FRY: variants seen among roughly 807,000 people sequenced by gnomAD.
The protein encoded by FRY is FRY microtubule binding protein, also known as protein furry homolog.
In FRY, 128 loss-of-function variants were observed where a neutral mutation model predicts 348.4. The observed-to-expected ratio is 0.37, with a 90% confidence interval of 0.32 to 0.43. The LOEUF (loss-of-function observed/expected upper bound fraction) is 0.43, where lower values mean the gene tolerates loss of function less well. FRY is among the 20% of genes least tolerant of loss of function. The pLI is 1.00. For synonymous variants in FRY, 1,370 were observed against 1,374.7 expected (o/e 1.00, Z 0.08); for missense variants, 2,736 against 3,695.2 (o/e 0.74, Z 6.73).
intron 20 of FRY, among the ~76,000 whole-genome samples, chr13:32,177,313 G>T (rs1882423835): frequency 6.6e-6 from 1 of 152,164 alleles, no homozygotes; most frequent in Non-Finnish European, 1.5e-5. Flanking sequence ...TCTTGGCCAG[G>T]TGTGGTGGTT....
chr13:32,069,518 T>C (rs1332036179), intron 1 of FRY, among the ~76,000 whole-genome samples: 1 of 152,174 alleles, frequency 6.6e-6, no homozygotes, highest in Non-Finnish European at 1.5e-5. Flanking sequence ...TAAAAGACAG[T>C]CTGGGAATGG....
intron 5 of FRY, 41 bp from the exon 6 acceptor site, chr13:32,124,561 T>C: frequency 8.4e-7 from 1 of 1,189,980 alleles, no homozygotes; most frequent in Non-Finnish European, 1.3e-6. Flanking sequence ...ATTTGTTCTT[T>C]AATATTCCCT....
At chr13:32,224,719 A>G (rs1885490694) in intron 37 of FRY, among the ~76,000 whole-genome samples, 2 of 152,212 alleles carry the variant, frequency 1.3e-5, no homozygotes, top group Admixed American at 1.3e-4. Context: ...CCTAGTGGCT[A>G]GTAGACTCTC....
intron 41 of FRY, among the ~76,000 whole-genome samples, chr13:32,233,992 A>G (rs1886071421): frequency 6.6e-6 from 1 of 151,918 alleles, no homozygotes; most frequent in African/African-American, 2.4e-5. Flanking sequence ...ATTTGTTTTT[A>G]TTTTAAAATG....
intron 31 of FRY, among the ~76,000 whole-genome samples, chr13:32,205,804 A>ACATGCAGTGTGGAGGGTGGATTAGTGAG (rs1884321172): frequency 6.6e-6 from 1 of 152,002 alleles, no homozygotes; most frequent in Non-Finnish European, 1.5e-5. Context: ...GGATTAGTGA[A>ACATGCAGTGTGGAGGGTGGATTAGTGAG]CATCCAGTCT....
intron 53 of FRY, among the ~76,000 whole-genome samples, chr13:32,264,131 G>A (rs1470407987): frequency 6.6e-6 from 1 of 152,168 alleles, no homozygotes; most frequent in African/African-American, 2.4e-5. Flanking sequence ...ATAAAGCTAT[G>A]ATATTAGAGA....
At chr13:32,123,734 A>T (rs1054205447) in intron 4 of FRY, among the ~76,000 whole-genome samples, 1 of 152,252 alleles carries the variant, frequency 6.6e-6, no homozygotes, top group African/African-American at 2.4e-5. Flanking sequence ...TCAAGTTAAC[A>T]TCATTGAAAA....
At chr13:32,288,344 A>G (rs1212060930) in intron 58 of FRY, among the ~76,000 whole-genome samples, 1 of 152,224 alleles carries the variant, frequency 6.6e-6, no homozygotes, top group Non-Finnish European at 1.5e-5. Flanking sequence ...TGAGTTAATT[A>G]GTCAGTGTAG....
chr13:32,286,747 C>CAAA (rs6144991), intron 58 of FRY, among the ~76,000 whole-genome samples: 1 of 77,492 alleles, frequency 1.3e-5, no homozygotes, highest in South Asian at 5.0e-4. Context: ...GACTCTGTCT[C>CAAA]AAAAAAAAAA....
At position 32,179,815 on chromosome 13, in the gene FRY, T is replaced by C. The variant is rs768574660; in HGVS notation, c.2996+16T>C. The C allele has an allele frequency of 6.2e-7, 1 of 1,611,318 alleles. No homozygotes were observed. Among genetic ancestry groups the C allele is most frequent in the Non-Finnish European group, 8.5e-7 (1 of 1,177,524 alleles). ...TTGTTTTCAGGTACAGTAGTCTTAA[T>C]GAGTTGTTCTAAATTCATACATGCT... On this transcript the variant is annotated intron_variant, in intron 23 of 60. Transcript: ENST00000542859.
intron 1 of FRY, among the ~76,000 whole-genome samples, chr13:32,032,263 G>A (rs974967509): frequency 6.6e-6 from 1 of 152,136 alleles, no homozygotes; most frequent in South Asian, 2.1e-4. Flanking sequence ...TAAATATTTT[G>A]TGAAGTGTGA....
At chr13:32,289,810 C>T in intron 59 of FRY, 67 bp downstream of exon 59, 1 of 842,676 alleles carries the variant, frequency 1.2e-6, no homozygotes, top group Non-Finnish European at 2.1e-6. Context: ...CTTCCTCACT[C>T]CACCCCTTTT....
rs1593860204 is a variant in FRY, at chr13:32,291,921, A to G, written c.8580+2178A>G. ...CTGAATTGCTGCAGTCTTATGATAAAACCTGAATGGATGAGGAGTTGCTTC... is the reference window on the plus strand; with the variant it reads ...CTGAATTGCTGCAGTCTTATGATAAGACCTGAATGGATGAGGAGTTGCTTC... On this transcript the variant is annotated intron_variant, in intron 59 of 60. Transcript: ENST00000542859. The G allele has an allele frequency of 6.8e-6, 3 of 440,856 alleles. No individual in the cohort carries two copies. The East Asian group carries it at 2.1e-4, about 31-fold the overall frequency. The allele number at this position is 440,856 out of a possible 1,614,324, so 27.3% of individuals were successfully genotyped here. A position where few individuals can be genotyped will look rare whatever the true frequency, so the allele number is the denominator to read the frequency against.
At position 32,234,731 on chromosome 13, in the gene FRY, G is replaced by T; in HGVS notation, c.5685G>T (p.Glu1895Asp). The T allele has an allele frequency of 6.2e-7, 1 of 1,614,150 alleles. No individual in the cohort carries two copies. Among genetic ancestry groups the T allele is most frequent in the Non-Finnish European group, 8.5e-7 (1 of 1,180,002 alleles). ...CTGACCTTCTCTCAAGATTGGTGGAGGTGATAGGAGAACATGGAGATGAGA... is the reference window on the plus strand; with the variant it reads ...CTGACCTTCTCTCAAGATTGGTGGATGTGATAGGAGAACATGGAGATGAGA... The part of the protein sequence containing the change: ...ALSDLLSRLV[E>D]VIGEHGDEIQ... Residue 1895 changes from glutamate to aspartate, a missense_variant, in exon 42 of 61, where the codon GAG becomes GAT. Around this residue, in one of 9 missense-constraint regions of FRY, gnomAD observed 794 missense variants for 977.0 expected, o/e 0.81. Coordinates refer to ENST00000542859, the MANE Select transcript of FRY (RefSeq NM_023037.3).
At chr13:32,212,572 A>G (rs1884748067) in intron 35 of FRY, among the ~76,000 whole-genome samples, 190 bp downstream of exon 35, 1 of 152,344 alleles carries the variant, frequency 6.6e-6, no homozygotes, top group East Asian at 1.9e-4. Flanking sequence ...ATTTCTGTGC[A>G]AAGTCAGAGA....
Position 32,239,320 on chromosome 13 carries a change from T to C in FRY, c.6487T>C (p.Cys2163Arg). The C allele has an allele frequency of 6.2e-7, 1 of 1,609,184 alleles. No individual in the cohort carries two copies. Among genetic ancestry groups the C allele is most frequent in the Non-Finnish European group, 8.5e-7 (1 of 1,175,454 alleles). ...IQHFENPNQF[C>R]KDIAERIAQV... ...GCATTTTGAAAATCCCAATCAGTTC[T>C]GTAAGGATATAGCCGAAAGGATTGC... Residue 2163 changes from cysteine (C) to arginine (R), a missense_variant, in exon 45 of 61, where the codon TGT (cysteine) becomes CGT (arginine). Cys to Arg is a radical substitution (Grantham distance 180, BLOSUM62 -3). Transcript: ENST00000542859. This position sits in a 1 kb window ranked among gnomAD's most constrained non-coding sequence, Gnocchi z 4.3.
At chr13:32,238,654 G>A (rs1886342162) in intron 44 of FRY, among the ~76,000 whole-genome samples, 1 of 152,064 alleles carries the variant, frequency 6.6e-6, no homozygotes, top group Non-Finnish European at 1.5e-5. Flanking sequence ...GTTTCACCAT[G>A]TCGGCCAGGA....
chr13:32,074,638 T>C (rs996258755), intron 1 of FRY, among the ~76,000 whole-genome samples: 8 of 152,250 alleles, frequency 5.3e-5, no homozygotes, highest in African/African-American at 1.9e-4. Flanking sequence ...AAATTTTGTC[T>C]ACTTTACCAC....
intron 3 of FRY, among the ~76,000 whole-genome samples, chr13:32,112,018 A>G (rs1472836784): frequency 6.6e-6 from 1 of 152,228 alleles, no homozygotes; most frequent in Non-Finnish European, 1.5e-5. Flanking sequence ...TTGTATTTAC[A>G]TCTGCTGGAG....
Sources: gnomAD v4.1 joint callset for allele counts (sites outside exome capture counted in the v4.1 genomes callset) on GRCh38, gnomAD v4.1.1 for gene constraint, gnomAD v4.1.1 regional missense constraint, Gnocchi (gnomAD v3.1) non-coding constraint, MANE v1.5 for transcripts, NCBI Gene and HGNC (gene_info 2026-07-23, HGNC 2026-07-21) for gene names.